Variants in FNDC3A observed in about 807,000 individuals in gnomAD.
The protein encoded by FNDC3A is fibronectin type-III domain-containing protein 3A.
In FNDC3A, 32 loss-of-function variants were observed where a neutral mutation model predicts 148.9. The ratio of observed to expected loss-of-function variants is 0.21; its 90% confidence interval spans 0.16 to 0.29. The LOEUF is 0.29. FNDC3A is among the 10% of genes least tolerant of loss of function. The pLI is 1.00. For missense variants in FNDC3A, 1,191 were observed against 1,452.8 expected (o/e 0.82, Z 2.93); for synonymous variants, 472 against 473.6 (o/e 1.00, Z 0.04).
At chr13:49,106,985 A>G (rs1880236847) in intron 3 of FNDC3A, among the ~76,000 whole-genome samples, 3 of 152,318 alleles carry the variant, frequency 2.0e-5, no homozygotes, top group East Asian at 3.9e-4. Context: ...TTTAAAAGAA[A>G]GGTAAGAATA....
At chr13:49,084,972 C>T (rs1455797146) in intron 3 of FNDC3A, among the ~76,000 whole-genome samples, 7 of 152,142 alleles carry the variant, frequency 4.6e-5, no homozygotes, top group African/African-American at 7.2e-5. Context: ...TTTTTCGTTG[C>T]TGCTGCTGTT....
intron 4 of FNDC3A, among the ~76,000 whole-genome samples, chr13:49,128,273 A>C (rs1391443837): frequency 2.6e-5 from 4 of 152,104 alleles, no homozygotes; most frequent in Non-Finnish European, 4.4e-5. Flanking sequence ...TGCCTAGATT[A>C]CTACAGTAGC....
chr13:49,080,116 TAC>T (rs1878376172), intron 3 of FNDC3A, among the ~76,000 whole-genome samples: 1 of 152,212 alleles, frequency 6.6e-6, no homozygotes, highest in Non-Finnish European at 1.5e-5. Flanking sequence ...TTTCAAAAAA[TAC>T]AGTTTTCATA....
chr13:48,977,176 G>T (rs940440453), intron 1 of FNDC3A, among the ~76,000 whole-genome samples: 10 of 152,084 alleles, frequency 6.6e-5, no homozygotes, highest in Admixed American at 3.9e-4. Context: ...GCAGGCTGAT[G>T]AGATTTTTTT....
At chr13:49,053,641 A>G (rs946112672) in intron 2 of FNDC3A, among the ~76,000 whole-genome samples, 2 of 152,168 alleles carry the variant, frequency 1.3e-5, no homozygotes, top group African/African-American at 4.8e-5. Context: ...TGAAGGAGCT[A>G]TTATAAGACC....
intron 2 of FNDC3A, among the ~76,000 whole-genome samples, chr13:49,070,889 T>G (rs962270544): frequency 4.8e-5 from 7 of 145,064 alleles, no homozygotes; most frequent in African/African-American, 1.8e-4. Context: ...TTCTTTTTTT[T>G]TTTTGTTTTG....
At chr13:49,123,207 A>G (rs1460282472) in intron 4 of FNDC3A, among the ~76,000 whole-genome samples, 1 of 152,130 alleles carries the variant, frequency 6.6e-6, no homozygotes, top group Non-Finnish European at 1.5e-5. Flanking sequence ...ATCTACAACC[A>G]TCTCATCTTT....
At chr13:49,123,929 C>T (rs745456218) in intron 4 of FNDC3A, among the ~76,000 whole-genome samples, 1 of 152,176 alleles carries the variant, frequency 6.6e-6, no homozygotes, top group Non-Finnish European at 1.5e-5. Flanking sequence ...TTGTGGAAGA[C>T]AGTGTGGCAA....
At chr13:49,012,346 C>G (rs779497102) in intron 2 of FNDC3A, among the ~76,000 whole-genome samples, 3 of 152,040 alleles carry the variant, frequency 2.0e-5, no homozygotes, top group Non-Finnish European at 2.9e-5. Context: ...ATCTCCTGAC[C>G]TCGTGATCTG....
chr13:49,152,927 A>G (rs1043801372), intron 8 of FNDC3A, among the ~76,000 whole-genome samples: 3 of 149,642 alleles, frequency 2.0e-5, no homozygotes, highest in Admixed American at 2.0e-4. Context: ...ATTGTTGGAC[A>G]TTTGGGTTGG....
chr13:49,192,938 T>G (rs1343803947), intron 19 of FNDC3A, among the ~76,000 whole-genome samples: 3 of 152,202 alleles, frequency 2.0e-5, no homozygotes, highest in African/African-American at 7.2e-5. Flanking sequence ...CCATTCAGCA[T>G]GCTAGAATGG....
chr13:49,079,464 CAT>C (rs1462942608), intron 3 of FNDC3A, among the ~76,000 whole-genome samples: 3 of 152,186 alleles, frequency 2.0e-5, no homozygotes, highest in Admixed American at 1.3e-4. Flanking sequence ...GAAAATGACA[CAT>C]GAGCCTCCTC....
At chr13:49,114,459 T>C (rs1043268184) in intron 3 of FNDC3A, among the ~76,000 whole-genome samples, 196 bp from the exon 4 acceptor site, 3 of 142,570 alleles carry the variant, frequency 2.1e-5, no homozygotes, top group African/African-American at 7.9e-5. Flanking sequence ...AACACAAATG[T>C]AGGTAAAGGG....
chr13:48,986,385 G>GTTGTT (rs1951795469), intron 1 of FNDC3A, among the ~76,000 whole-genome samples: 1 of 54,412 alleles, frequency 1.8e-5, no homozygotes, highest in Admixed American at 3.2e-4. Flanking sequence ...GAAGGAAGTT[G>GTTGTT]TTTTTTTTTT....
intron 2 of FNDC3A, among the ~76,000 whole-genome samples, chr13:49,047,433 T>A (rs1344548725): frequency 6.6e-6 from 1 of 152,150 alleles, no homozygotes; most frequent in East Asian, 1.9e-4. Flanking sequence ...CAGTTTACAT[T>A]CCCACCAACA....
At chr13:48,988,817 C>T (rs1194899290) in intron 1 of FNDC3A, among the ~76,000 whole-genome samples, 1 of 150,620 alleles carries the variant, frequency 6.6e-6, no homozygotes, top group Non-Finnish European at 1.5e-5. Context: ...TGCACTCCAG[C>T]CTGGGTGAGA....
chr13:49,156,727 ATC>A (rs1883717632), intron 8 of FNDC3A, among the ~76,000 whole-genome samples: 1 of 142,558 alleles, frequency 7.0e-6, no homozygotes, highest in African/African-American at 2.6e-5. Flanking sequence ...TGGTGACAAA[ATC>A]TCTCAGCATT....
intron 8 of FNDC3A, among the ~76,000 whole-genome samples, chr13:49,149,788 A>G (rs925975525): frequency 6.6e-6 from 1 of 152,168 alleles, no homozygotes; most frequent in African/African-American, 2.4e-5. Flanking sequence ...AAAGTTTGGT[A>G]GAATTTGTCA....
At chr13:49,168,489 G>A (rs1884593988) in intron 9 of FNDC3A, 124 bp from the exon 10 acceptor site, 2 of 574,934 alleles carry the variant, frequency 3.5e-6, no homozygotes, top group African/African-American at 3.9e-5. Flanking sequence ...ACTTCTAATA[G>A]TCATATTTTC....
Sources: gnomAD v4.1 joint callset for allele counts (sites outside exome capture counted in the v4.1 genomes callset) on GRCh38, gnomAD v4.1.1 for gene constraint, MANE v1.5 for transcripts, NCBI Gene and HGNC (gene_info 2026-07-23, HGNC 2026-07-21) for gene names.